GPC5: variants seen among roughly 807,000 people sequenced by gnomAD.
GPC5 encodes glypican 5.
In GPC5, 47 loss-of-function variants were observed where a neutral mutation model predicts 53.9. The observed-to-expected ratio is 0.87, with a 90% CI of 0.69 to 1.11. GPC5 has a LOEUF of 1.11. Among genes scored for constraint, GPC5 ranks in the 50% most tolerant of loss-of-function variants. The pLI, the probability that GPC5 is intolerant of heterozygous loss-of-function variation, is 0.00. For missense variants in GPC5, 748 were observed against 713.1 expected, an observed-to-expected ratio of 1.05 and a Z score of -0.56; for synonymous variants, 286 against 263.3, an observed-to-expected ratio of 1.09 and a Z score of -0.84.
At position 91,783,771 on chromosome 13, in the gene GPC5, C is replaced by T. The variant is rs527966654; in HGVS notation, c.1280+27351C>T. 1.2e-4 allele frequency among the ~76,000 whole-genome samples: 18 copies of T among 152,196 alleles called. No individual in the cohort carries two copies. The East Asian group carries it at 3.5e-3, about 29-fold the overall frequency. On this transcript the variant is annotated intron_variant, in intron 5 of 7. Transcript: ENST00000377067. ...TTTTAATCAGAAAATACATAACCAACATTTTCCCCTTCAGAAAATCATTGA... is the reference window on the plus strand; with the variant it reads ...TTTTAATCAGAAAATACATAACCAATATTTTCCCCTTCAGAAAATCATTGA...
Position 92,866,475 on chromosome 13 carries a change from C to T in GPC5, c.*36C>T, listed in dbSNP as rs753843139. 6.7e-7 allele frequency: 1 copy of T among 1,500,176 alleles called. No homozygotes were observed. The highest frequency in any genetic ancestry group is 2.4e-5 in the East Asian group (1 of 41,306). The allele number at this position is 1,500,176 out of a possible 1,614,324, so 92.9% of individuals were successfully genotyped here. On this transcript the variant is annotated 3_prime_UTR_variant, in exon 8 of 8. Coordinates refer to ENST00000377067, the MANE Select transcript of GPC5 (RefSeq NM_004466.6). The stretch of plus-strand genomic sequence containing the variant: ...CTGTCCTGACATACCTTACTGAAGT[C>T]TCGATTTCTTCTCTCTCTGCATATG...
intron 7 of GPC5, among the ~76,000 whole-genome samples, chr13:92,639,811 C>T (rs1164483021): frequency 1.3e-5 from 2 of 152,160 alleles, no homozygotes; most frequent in Non-Finnish European, 2.9e-5. Flanking sequence ...ACTCTTCCCT[C>T]CCCACATCGA....
At chr13:92,134,806 C>T (rs1331240052) in intron 6 of GPC5, among the ~76,000 whole-genome samples, 1 of 151,906 alleles carries the variant, frequency 6.6e-6, no homozygotes, top group Admixed American at 6.6e-5. Flanking sequence ...TCTTTCTCTC[C>T]CTCCCACATA....
intron 5 of GPC5, among the ~76,000 whole-genome samples, chr13:91,776,809 T>C (rs2037718092): frequency 6.6e-6 from 1 of 152,210 alleles, no homozygotes; most frequent in Non-Finnish European, 1.5e-5. Context: ...CAAATGTCAG[T>C]GGTATGGCTC....
chr13:91,621,906 G>A (rs2033869943), intron 2 of GPC5, among the ~76,000 whole-genome samples: 1 of 151,680 alleles, frequency 6.6e-6, no homozygotes, highest in Admixed American at 6.6e-5. Flanking sequence ...CAAAAGTAGG[G>A]AAGCCAACAG....
At chr13:91,755,189 CA>C (rs1382328403) in intron 4 of GPC5, among the ~76,000 whole-genome samples, 4 of 151,884 alleles carry the variant, frequency 2.6e-5, no homozygotes, top group Non-Finnish European at 5.9e-5. Context: ...ACAGAGCTGA[CA>C]AAATGAGATT....
At chr13:91,668,063 G>A (rs930224406) in intron 2 of GPC5, among the ~76,000 whole-genome samples, 8 of 152,168 alleles carry the variant, frequency 5.3e-5, no homozygotes, top group African/African-American at 1.4e-4. Flanking sequence ...CTGTTGTCAA[G>A]AATAGAAATA....
intron 7 of GPC5, among the ~76,000 whole-genome samples, chr13:92,445,547 T>C (rs1877777322): frequency 1.4e-5 from 2 of 143,776 alleles, no homozygotes. Flanking sequence ...TTCCCACCTA[T>C]GAGTGAGAAT....
intron 7 of GPC5, among the ~76,000 whole-genome samples, chr13:92,271,274 T>A (rs1311013123): frequency 6.6e-6 from 1 of 152,218 alleles, no homozygotes; most frequent in African/African-American, 2.4e-5. Flanking sequence ...TGTTGTACAG[T>A]CATTTGTAGC....
rs147735114 is a variant in GPC5 at position 92,387,273 on chromosome 13, G to A, written c.1561+242284G>A. On this transcript the variant is annotated intron_variant, in intron 7 of 7. Coordinates refer to ENST00000377067, the MANE Select transcript of GPC5 (RefSeq NM_004466.6). ...TTGTATAAAAGTGGCTTTGTGTGAC[G>A]TAATTTCCCCCAACTGTAGGGTAAT... Among the ~76,000 whole-genome samples, 289 of 152,154 alleles carry A rather than the reference G, an allele frequency of 1.9e-3. 2 individuals are homozygous for A. Among genetic ancestry groups the A allele is most frequent in the African/African-American group, 6.6e-3 (275 of 41,530 alleles).
intron 7 of GPC5, among the ~76,000 whole-genome samples, chr13:92,836,128 TTAAGTA>T (rs1594538753): frequency 6.6e-6 from 1 of 152,110 alleles, no homozygotes; most frequent in Admixed American, 6.5e-5. Flanking sequence ...TTTATCAACT[TTAAGTA>T]TAATTTGCCA....
At chr13:91,829,789 C>T (rs2038627593) in intron 5 of GPC5, among the ~76,000 whole-genome samples, 2 of 152,110 alleles carry the variant, frequency 1.3e-5, no homozygotes, top group South Asian at 2.1e-4. Flanking sequence ...CCCCACAAGC[C>T]ATAAAACCAG....
At chr13:92,567,040 G>A (rs1882884795) in intron 7 of GPC5, among the ~76,000 whole-genome samples, 1 of 152,090 alleles carries the variant, frequency 6.6e-6, no homozygotes, top group Non-Finnish European at 1.5e-5. Flanking sequence ...TACAAAGACA[G>A]CTGGCATAGA....
chr13:91,494,349 T>A (rs9560818), intron 2 of GPC5, among the ~76,000 whole-genome samples: 3,146 of 74,326 alleles, frequency 0.042, 106 homozygotes, highest in African/African-American at 0.14. Context: ...TATTATTATT[T>A]TTATTAATTA....
At chr13:92,663,711 CTATA>C (rs976383431) in intron 7 of GPC5, among the ~76,000 whole-genome samples, 1 of 127,932 alleles carries the variant, frequency 7.8e-6, no homozygotes, top group African/African-American at 2.8e-5. Context: ...TATATATCTA[CTATA>C]TATATCTACT....
intron 6 of GPC5, among the ~76,000 whole-genome samples, chr13:91,959,926 C>G (rs1416116214): frequency 6.6e-6 from 1 of 151,788 alleles, no homozygotes; most frequent in Non-Finnish European, 1.5e-5. Flanking sequence ...AAGTTTTTAA[C>G]TAGGCATAGA....
intron 7 of GPC5, among the ~76,000 whole-genome samples, chr13:92,724,913 A>ACACAC (rs1566386562): frequency 3.3e-4 from 29 of 88,966 alleles, no homozygotes; most frequent in Admixed American, 4.9e-4. Flanking sequence ...CACACACACA[A>ACACAC]GAAAGAAAAA....
At chr13:92,856,153 C>T (rs1168216050) in intron 7 of GPC5, among the ~76,000 whole-genome samples, 1 of 152,000 alleles carries the variant, frequency 6.6e-6, no homozygotes, top group East Asian at 1.9e-4. Flanking sequence ...AAATTTAACT[C>T]ATCATAATCA....
chr13:91,851,603 A>C (rs1448271843), intron 5 of GPC5, among the ~76,000 whole-genome samples: 4 of 145,592 alleles, frequency 2.7e-5, no homozygotes, highest in African/African-American at 5.1e-5. Flanking sequence ...GCACCCACTA[A>C]CTCGTCATCT....
Sources: allele counts gnomAD v4.1 joint callset (sites outside exome capture counted in the v4.1 genomes callset), GRCh38; gene constraint gnomAD v4.1.1; transcripts MANE v1.5; gene names NCBI Gene and HGNC (gene_info 2026-07-23, HGNC 2026-07-21).